KLHL7: variants seen among roughly 807,000 people sequenced by gnomAD.
KLHL7 encodes the protein kelch like family member 7.
Under a neutral mutation model 67.4 loss-of-function variants are expected in KLHL7, and 44 were observed. The ratio of observed to expected loss-of-function variants is 0.65; its 90% CI spans 0.51 to 0.84. The LOEUF (loss-of-function observed/expected upper bound fraction) is 0.84. KLHL7 is among the 40% of genes least tolerant of loss of function. The pLI is 0.00. For missense variants in KLHL7, 362 were observed against 718.1 expected, an observed-to-expected ratio of 0.50 and a Z score of 5.67; for synonymous variants, 252 against 243.3, an observed-to-expected ratio of 1.04 and a Z score of -0.33.
At position 23,152,225 on chromosome 7, in the gene KLHL7, T is replaced by C. The variant is rs1784558395; in HGVS notation, c.936+16T>C. Reference sequence around the variant, plus strand: ...TAACCCAAAGGTAACTAATTTTTATTCTTGGTTTTTGTTGTTGTCTTTGAA... The same window carrying C: ...TAACCCAAAGGTAACTAATTTTTATCCTTGGTTTTTGTTGTTGTCTTTGAA... On this transcript the variant is annotated intron_variant, in intron 7 of 10. Coordinates refer to ENST00000339077, the MANE Select transcript of KLHL7 (RefSeq NM_001031710.3). 1.9e-6 allele frequency: 3 copies of C among 1,613,146 alleles called. No homozygotes were observed. In the East Asian group the frequency reaches 6.7e-5, roughly 36 times the overall value.
chr7:23,114,714 A>T (rs763997091), intron 1 of KLHL7, among the ~76,000 whole-genome samples: 1 of 152,176 alleles, frequency 6.6e-6, no homozygotes. Flanking sequence ...TTAAATTTTT[A>T]CCCAAGAAAG....
At chr7:23,106,384 G>A in intron 1 of KLHL7, 2 of 1,358,100 alleles carry the variant, frequency 1.5e-6, no homozygotes, top group Non-Finnish European at 1.9e-6. Context: ...GACTCCTGGG[G>A]GACTCCTCAG....
At chr7:23,108,058 T>C (rs1462999907) in intron 1 of KLHL7, among the ~76,000 whole-genome samples, 1 of 152,210 alleles carries the variant, frequency 6.6e-6, no homozygotes, top group Non-Finnish European at 1.5e-5. Flanking sequence ...GTGCTCTTGT[T>C]CTTTAGTAAA....
At chr7:23,111,696 C>T (rs1782876768) in intron 1 of KLHL7, among the ~76,000 whole-genome samples, 1 of 151,810 alleles carries the variant, frequency 6.6e-6, no homozygotes, top group African/African-American at 2.4e-5. Context: ...GTCGCACGTG[C>T]CTGTAGTCCA....
At position 23,174,971 on chromosome 7, in the gene KLHL7, C is replaced by A. The variant is rs1562597182; in HGVS notation, c.*673C>A. 1 of 450,146 alleles carries A rather than the reference C, an allele frequency of 2.2e-6. No individual in the cohort carries two copies. The highest frequency in any genetic ancestry group is 1.6e-5 in the South Asian group (1 of 63,898). The allele number at this position is 450,146 out of a possible 1,614,324, so 27.9% of individuals were successfully genotyped here. A position where few individuals can be genotyped will look rare whatever the true frequency, so the allele number is the denominator to read the frequency against. ...ATAAAATGTAAAGCTTAGCACCCATCATTAATTTATGTCTCTGTTTTATCC... is the reference window on the plus strand; with the variant it reads ...ATAAAATGTAAAGCTTAGCACCCATAATTAATTTATGTCTCTGTTTTATCC... On this transcript the variant is annotated 3_prime_UTR_variant, in exon 11 of 11. Coordinates refer to ENST00000339077, the MANE Select transcript of KLHL7 (RefSeq NM_001031710.3).
chr7:23,111,137 G>A (rs1483897149), intron 1 of KLHL7, among the ~76,000 whole-genome samples: 1 of 152,140 alleles, frequency 6.6e-6, no homozygotes, highest in Non-Finnish European at 1.5e-5. Context: ...ATGGTACAAC[G>A]AGGGCATATG....
intron 1 of KLHL7, chr7:23,106,848 T>C (rs940301399): frequency 1.2e-5 from 3 of 248,040 alleles, no homozygotes; most frequent in Non-Finnish European, 1.8e-5. Flanking sequence ...ACAAAGAGGC[T>C]TTTTTTTTTT....
intron 5 of KLHL7, among the ~76,000 whole-genome samples, chr7:23,141,852 T>C (rs1010076726): frequency 6.6e-6 from 1 of 152,142 alleles, no homozygotes; most frequent in East Asian, 1.9e-4. Context: ...CTAGATCTCC[T>C]GACCTTGTGA....
At chr7:23,112,587 C>G (rs538867562) in intron 1 of KLHL7, among the ~76,000 whole-genome samples, 1 of 152,216 alleles carries the variant, frequency 6.6e-6, no homozygotes, top group East Asian at 1.9e-4. Flanking sequence ...TCCTTCCCAG[C>G]AAGTCAGGAT....
chr7:23,123,665 T>G (rs936689223), intron 1 of KLHL7, 112 bp from the exon 2 acceptor site: 1 of 719,164 alleles, frequency 1.4e-6, no homozygotes, highest in Non-Finnish European at 2.4e-6. Flanking sequence ...GGAAAAAGAT[T>G]GGCTTTAAAT....
Position 23,105,996 on chromosome 7 carries a change from G to T in KLHL7, c.-31G>T. 2 of 1,604,134 alleles carry T rather than the reference G, an allele frequency of 1.2e-6. No individual in the cohort carries two copies. Among genetic ancestry groups the T allele is most frequent in the South Asian group, 1.1e-5 (1 of 89,212 alleles). ...AGTGCGACCCCTCGCCCGGCCCGGC[G>T]AGCCCCGGGCGTGAACCGAGCTGAG... On this transcript the variant is annotated 5_prime_UTR_variant, in exon 1 of 11. Coordinates refer to ENST00000339077, the MANE Select transcript of KLHL7 (RefSeq NM_001031710.3).
Position 23,177,318 on chromosome 7 carries a change from T to C in KLHL7, c.*3020T>C, listed in dbSNP as rs1445197068. 7 of 152,240 alleles carry C rather than the reference T, an allele frequency of 4.6e-5. No homozygotes were observed. In the South Asian group the frequency reaches 8.3e-4, roughly 18 times the overall value. The allele number at this position is 152,240 out of a possible 1,614,324, so 9.4% of individuals were successfully genotyped here. ...AGCTATATAATTTGACAATCTCCTA[T>C]GTAGAATATACAGTACCTGTCTAAG... On this transcript the variant is annotated 3_prime_UTR_variant, in exon 11 of 11. Transcript: ENST00000339077.
chr7:23,162,269 A>G (rs1191358521), intron 7 of KLHL7, among the ~76,000 whole-genome samples: 2 of 152,212 alleles, frequency 1.3e-5, no homozygotes, highest in Non-Finnish European at 2.9e-5. Flanking sequence ...AAGTTACTTA[A>G]TATCTCTTAG....
intron 9 of KLHL7, 41 bp from the exon 10 acceptor site, chr7:23,172,907 C>T: frequency 7.1e-7 from 1 of 1,414,424 alleles, no homozygotes; most frequent in Non-Finnish European, 1.0e-6. Context: ...AGTTCTTTTA[C>T]TTCCTGTAAA....
At chr7:23,126,083 A>G in intron 4 of KLHL7, 1 of 588,012 alleles carries the variant, frequency 1.7e-6, no homozygotes, top group Non-Finnish European at 3.1e-6. Context: ...TTTTGGGGCC[A>G]TTATTAAGTA....
At chr7:23,136,943 G>A (rs1214936458) in intron 4 of KLHL7, among the ~76,000 whole-genome samples, 1 of 151,958 alleles carries the variant, frequency 6.6e-6, no homozygotes, top group Non-Finnish European at 1.5e-5. Context: ...CCTACTCAGA[G>A]AAAAATAATT....
chr7:23,143,692 G>A (rs1412409471), intron 5 of KLHL7, among the ~76,000 whole-genome samples, 159 bp from the exon 6 acceptor site: 1 of 152,120 alleles, frequency 6.6e-6, no homozygotes, highest in Non-Finnish European at 1.5e-5. Context: ...CAGTATGTAA[G>A]CTGTTTTGAA....
chr7:23,124,882 A>G (rs754295631), intron 3 of KLHL7, 101 bp downstream of exon 3: 4 of 1,129,452 alleles, frequency 3.5e-6, no homozygotes, highest in Non-Finnish European at 5.3e-6. Flanking sequence ...CTTCAAAATG[A>G]AAAACCGCAA....
chr7:23,159,968 C>T (rs762133438), intron 7 of KLHL7, among the ~76,000 whole-genome samples: 5 of 152,244 alleles, frequency 3.3e-5, no homozygotes, highest in African/African-American at 1.2e-4. Flanking sequence ...TCCCTGTCAC[C>T]CTTGGGTTTT....
Sources: allele counts gnomAD v4.1 joint callset (sites outside exome capture counted in the v4.1 genomes callset), GRCh38; gene constraint gnomAD v4.1.1; transcripts MANE v1.5; gene names NCBI Gene and HGNC (gene_info 2026-07-23, HGNC 2026-07-21).